The following ACTR3C variants were observed in gnomAD, a reference collection of about 807,000 sequenced individuals.
ACTR3C encodes the protein actin-related protein 3C.
A neutral mutation model predicts 26.3 loss-of-function variants in ACTR3C; 18 were observed. The observed-to-expected ratio is 0.68, with a 90% CI of 0.47 to 1.01. The LOEUF is 1.01. ACTR3C is among the 50% of genes least tolerant of loss of function. The probability of loss-of-function intolerance (pLI) is 0.00; values close to 1 mark genes in which losing one functional copy is unlikely to be tolerated. For synonymous variants in ACTR3C, 55 were observed against 94.5 expected, an observed-to-expected ratio of 0.58 and a Z score of 2.42; for missense variants, 184 against 250.7, an observed-to-expected ratio of 0.73 and a Z score of 1.80.
the ACTR3C span, chr7:150,005,149 G>T: frequency 6.6e-6 from 1 of 152,188 alleles, no homozygotes; most frequent in Non-Finnish European, 1.5e-5. Flanking sequence ...CTGAGTAAAG[G>T]ATATAAATAG....
chr7:150,288,313 T>C (rs115604466), intron 4 of ACTR3C, among the ~76,000 whole-genome samples: 22,616 of 144,316 alleles, frequency 0.16, 2,500 homozygotes, highest in African/African-American at 0.29. Flanking sequence ...AGCCCCTCCT[T>C]GGCAGTGTTG....
chr7:149,967,028 AT>A, the ACTR3C span, among the ~76,000 whole-genome samples: 695 of 64,674 alleles, frequency 0.011, 4 homozygotes, highest in Middle Eastern at 0.023. Context: ...TGCACAGCTA[AT>A]TTTTTTTTTT....
the ACTR3C span, among the ~76,000 whole-genome samples, chr7:149,884,782 C>T: frequency 6.6e-6 from 1 of 152,178 alleles, no homozygotes; most frequent in Non-Finnish European, 1.5e-5. Context: ...CGGGTGCAGC[C>T]TGCAGTGCTA....
At chr7:150,167,325 C>G in the ACTR3C span, among the ~76,000 whole-genome samples, 2 of 150,750 alleles carry the variant, frequency 1.3e-5, no homozygotes, top group East Asian at 3.9e-4. Context: ...GCCAGATATG[C>G]TATTTTTTGT....
chr7:149,992,808 G>A, the ACTR3C span, among the ~76,000 whole-genome samples: 1 of 152,202 alleles, frequency 6.6e-6, no homozygotes, highest in African/African-American at 2.4e-5. Context: ...ACGAGGTGAA[G>A]TCCCACCATA....
At chr7:150,284,071 A>G (rs1835564231) in intron 6 of ACTR3C, among the ~76,000 whole-genome samples, 1 of 152,080 alleles carries the variant, frequency 6.6e-6, no homozygotes, top group African/African-American at 2.4e-5. Context: ...TCTAACCTCT[A>G]TGTGATGACA....
chr7:150,047,878 G>A, the ACTR3C span: 6 of 1,459,818 alleles, frequency 4.1e-6, no homozygotes, highest in Admixed American at 1.0e-4. Context: ...CCTGCTGGCT[G>A]TCTTTAGGGC....
the ACTR3C span, among the ~76,000 whole-genome samples, chr7:150,085,028 C>A: frequency 0.13 from 20,043 of 152,040 alleles, 1,369 homozygotes; most frequent in South Asian, 0.2. Flanking sequence ...CGAATGACAA[C>A]CCCAGGGCTT....
chr7:150,095,359 C>G, the ACTR3C span, among the ~76,000 whole-genome samples: 1 of 150,562 alleles, frequency 6.6e-6, no homozygotes, highest in Non-Finnish European at 1.5e-5. Context: ...GCCAGGCCAA[C>G]CGGGGAAGCC....
the ACTR3C span, among the ~76,000 whole-genome samples, chr7:149,992,764 C>CTG: frequency 2.0e-5 from 3 of 152,154 alleles, no homozygotes; most frequent in Non-Finnish European, 4.4e-5. Flanking sequence ...GTATATGAAA[C>CTG]GGAGCTTATT....
intron 6 of ACTR3C, among the ~76,000 whole-genome samples, chr7:150,262,359 T>A (rs1176165479): frequency 6.6e-6 from 1 of 152,274 alleles, no homozygotes; most frequent in East Asian, 1.9e-4. Context: ...ACATAGCTGG[T>A]GGAACTCAGT....
the ACTR3C span, among the ~76,000 whole-genome samples, chr7:150,225,416 C>G: frequency 3.3e-5 from 5 of 152,314 alleles, no homozygotes; most frequent in African/African-American, 1.2e-4. Context: ...AGCCCTTTTC[C>G]CTTACTTATC....
chr7:149,973,328 A>G, the ACTR3C span, among the ~76,000 whole-genome samples: 1 of 152,228 alleles, frequency 6.6e-6, no homozygotes, highest in African/African-American at 2.4e-5. Flanking sequence ...ATCTGGGAGA[A>G]GCAAGCTATC....
the ACTR3C span, among the ~76,000 whole-genome samples, chr7:150,048,342 C>A: frequency 6.6e-6 from 1 of 152,248 alleles, no homozygotes; most frequent in Non-Finnish European, 1.5e-5. Flanking sequence ...GCCCCCTTCC[C>A]CACCGGCCTC....
chr7:150,121,969 G>A, the ACTR3C span, among the ~76,000 whole-genome samples: 11 of 152,096 alleles, frequency 7.2e-5, no homozygotes, highest in African/African-American at 2.4e-4. Context: ...ACAAAAACAA[G>A]CAATGGGGAA....
At chr7:150,221,971 C>T in the ACTR3C span, among the ~76,000 whole-genome samples, 13,945 of 141,218 alleles carry the variant, frequency 0.099, 1,755 homozygotes, top group African/African-American at 0.3. Flanking sequence ...GCACTCCAGC[C>T]TGGGCAACAG....
chr7:150,047,454 T>G, the ACTR3C span, among the ~76,000 whole-genome samples: 768 of 152,048 alleles, frequency 5.1e-3, 8 homozygotes, highest in South Asian at 0.026. Context: ...GACCGCGATC[T>G]GGCGCCACGG....
the ACTR3C span, among the ~76,000 whole-genome samples, chr7:149,944,676 C>T: frequency 6.6e-6 from 1 of 151,886 alleles, no homozygotes; most frequent in Non-Finnish European, 1.5e-5. Context: ...ATTATGTCTC[C>T]TCCTTCACCT....
chr7:150,031,692 C>G, the ACTR3C span, among the ~76,000 whole-genome samples: 2 of 151,884 alleles, frequency 1.3e-5, no homozygotes, highest in Non-Finnish European at 2.9e-5. Flanking sequence ...GCCATTATAC[C>G]TTGATGGACA....
Sources: gnomAD v4.1 joint callset for allele counts (sites outside exome capture counted in the v4.1 genomes callset) on GRCh38, gnomAD v4.1.1 for gene constraint, MANE v1.5 for transcripts, NCBI Gene and HGNC (gene_info 2026-07-23, HGNC 2026-07-21) for gene names.